IL2RB: variants seen among roughly 807,000 people sequenced by gnomAD.
IL2RB encodes interleukin-2 receptor subunit beta.
Under a neutral mutation model 44.2 loss-of-function variants are expected in IL2RB, and 17 were observed. The observed-to-expected ratio is 0.38, with a 90% CI of 0.26 to 0.58. The LOEUF (loss-of-function observed/expected upper bound fraction) is 0.58. IL2RB is among the 20% of genes least tolerant of loss of function. The pLI, the probability that IL2RB is intolerant of heterozygous loss-of-function variation, is 0.63. For synonymous variants in IL2RB, 286 were observed against 297.9 expected, an observed-to-expected ratio of 0.96 and a Z score of 0.41; for missense variants, 624 against 685.5, an observed-to-expected ratio of 0.91 and a Z score of 1.00.
intron 1 of IL2RB, among the ~76,000 whole-genome samples, chr22:37,162,989 T>A (rs1023410940): frequency 1.3e-5 from 2 of 152,180 alleles, no homozygotes; most frequent in African/African-American, 4.8e-5. Context: ...GCCAGAGGCT[T>A]CTCCCCAGGG....
chr22:37,130,750 A>G (rs1921383786), intron 9 of IL2RB, among the ~76,000 whole-genome samples: 1 of 152,240 alleles, frequency 6.6e-6, no homozygotes, highest in African/African-American at 2.4e-5. Flanking sequence ...CAATGGGAGA[A>G]TCTCTATGCT....
intron 1 of IL2RB, among the ~76,000 whole-genome samples, chr22:37,146,032 C>A (rs1349595880): frequency 1.3e-5 from 2 of 152,156 alleles, no homozygotes; most frequent in Non-Finnish European, 2.9e-5. Flanking sequence ...CCGGCAAAAA[C>A]CCAGCTCATC....
At chr22:37,137,810 C>T (rs1921783347) in intron 5 of IL2RB, 75 bp from the exon 6 acceptor site, 1 of 1,365,726 alleles carries the variant, frequency 7.3e-7, no homozygotes. Context: ...CCACTCCTCC[C>T]TCCTGGCACA....
At chr22:37,149,729 G>T (rs906698085) in intron 1 of IL2RB, 96 bp downstream of exon 1, 4 of 502,474 alleles carry the variant, frequency 8.0e-6, no homozygotes, top group African/African-American at 4.2e-5. Flanking sequence ...AAACTGCTGG[G>T]GGAACTGAGT....
chr22:37,131,189 TA>T (rs1921405840), intron 9 of IL2RB, among the ~76,000 whole-genome samples: 1 of 151,884 alleles, frequency 6.6e-6, no homozygotes, highest in South Asian at 2.1e-4. Flanking sequence ...AATAAATAAA[TA>T]AATAAAAGCA....
In IL2RB at chr22:37,156,975, G is replaced by A. The variant is rs144789233; in HGVS notation, c.-33-12770C>T. On this transcript the variant is annotated intron_variant, in intron 1 of 5. Transcript: ENST00000429622. ...AAGTCAGCAGGTAGCCGAGTCCCCAGCTGGAAAAAAAGTCCTGCCCCCACA... is the reference window on the plus strand; with the variant it reads ...AAGTCAGCAGGTAGCCGAGTCCCCAACTGGAAAAAAAGTCCTGCCCCCACA... 2.9e-3 allele frequency among the ~76,000 whole-genome samples: 434 copies of A among 152,242 alleles called. 1 individual carries two copies. Among genetic ancestry groups the A allele is most frequent in the African/African-American group, 9.5e-3 (395 of 41,526 alleles).
At chr22:37,132,917 G>A (rs557374632) in intron 8 of IL2RB, among the ~76,000 whole-genome samples, 6 of 152,348 alleles carry the variant, frequency 3.9e-5, no homozygotes, top group Admixed American at 2.6e-4. Context: ...GGTTCAGGTT[G>A]TACACTGCCC....
rs976957289 is a variant in IL2RB, at chr22:37,126,145, G to A, written c.*1951C>T. 6.6e-6 allele frequency: 1 copy of A among 152,170 alleles called. No homozygotes were observed. Among genetic ancestry groups the A allele is most frequent in the South Asian group, 2.1e-4 (1 of 4,830 alleles). The allele number at this position is 152,170 out of a possible 1,614,324, so 9.4% of individuals were successfully genotyped here. ...TTCCATTTGGGGGGATAAGGAGACC[G>A]ACTTGCAGAGAGGATTAGTAGGTTG... is the stretch of plus-strand genomic sequence containing the variant. On this transcript the variant is annotated 3_prime_UTR_variant, in exon 10 of 10. Transcript: ENST00000216223.
At chr22:37,156,996 C>T (rs1424943146) in intron 1 of IL2RB, among the ~76,000 whole-genome samples, 2 of 152,196 alleles carry the variant, frequency 1.3e-5, no homozygotes, top group African/African-American at 2.4e-5. Flanking sequence ...AGTCCTGCCC[C>T]CACAGTGCCA....
chr22:37,136,928 C>CA (rs1921736353), intron 6 of IL2RB, among the ~76,000 whole-genome samples: 1 of 152,220 alleles, frequency 6.6e-6, no homozygotes, highest in South Asian at 2.1e-4. Context: ...CCCAGGTGTC[C>CA]AAGGGGCCTT....
At chr22:37,156,457 T>C (rs1471974508) in intron 1 of IL2RB, among the ~76,000 whole-genome samples, 2 of 152,208 alleles carry the variant, frequency 1.3e-5, no homozygotes, top group African/African-American at 2.4e-5. Flanking sequence ...GGTGGCTTTA[T>C]GATGTCAGGA....
rs1569042749 is a variant in IL2RB, at chr22:37,135,203, C to T, written c.818+125G>A. ...TCCAGAATCTGACCTGGCAAGGTGG[C>T]ATGTGTTCATGTAAGTGTGTGTGTG... On this transcript the variant is annotated intron_variant, in intron 8 of 9. Transcript: ENST00000216223. 5.9e-6 allele frequency: 4 copies of T among 672,910 alleles called. No individual in the cohort carries two copies. In the African/African-American group the frequency reaches 7.2e-5, roughly 12 times the overall value. The allele number at this position is 672,910 out of a possible 1,614,324, so 41.7% of individuals were successfully genotyped here. A position where few individuals can be genotyped will look rare whatever the true frequency, so the allele number is the denominator to read the frequency against.
In IL2RB at chr22:37,138,126, TG is replaced by T. The variant is rs551388617; in HGVS notation, c.389-392del. 5.3e-5 allele frequency among the ~76,000 whole-genome samples: 8 copies of T among 152,352 alleles called. No homozygotes were observed. The South Asian group carries it at 1.7e-3, about 32-fold the overall frequency. ...ATTACCTGGCACTTGATTCAGTAGC[TG>T]CTGGATGAATGACTCACGGCAGCTT... On this transcript the variant is annotated intron_variant, in intron 5 of 9. Coordinates refer to ENST00000216223, the MANE Select transcript of IL2RB (RefSeq NM_000878.5).
rs1283043313 is a variant in IL2RB at position 37,128,224 on chromosome 22, T to A, written c.1528A>T (p.Ser510Cys). ...VPDAGPREGVSFPWSRPPGQG... is the reference protein window; with the variant it reads ...VPDAGPREGVCFPWSRPPGQG... Reference sequence around the variant, plus strand: ...CCAGGAGGCCTGGACCAGGGGAAACTGACTCCCTCCCTGGGGCCAGCGTCA... The same window carrying A: ...CCAGGAGGCCTGGACCAGGGGAAACAGACTCCCTCCCTGGGGCCAGCGTCA... The change falls in exon 10 of 10, where the codon AGT (serine) becomes TGT (cysteine). Residue 510 changes from serine to cysteine, a missense_variant. Ser to Cys is a moderately radical substitution (Grantham distance 112, BLOSUM62 -1). Around this residue, in one of 3 missense-constraint regions of IL2RB, gnomAD observed 291 missense variants for 275.5 expected, o/e 1.06. Transcript: ENST00000216223. This position sits in a 1 kb window ranked among gnomAD's most constrained non-coding sequence, Gnocchi z 4.5. The A allele has an allele frequency of 1.3e-6, 2 of 1,511,012 alleles. No individual in the cohort carries two copies. Among genetic ancestry groups the A allele is most frequent in the Non-Finnish European group, 1.8e-6 (2 of 1,131,402 alleles). 93.6% of individuals were successfully genotyped at this position (1,511,012 alleles called of 1,614,324 possible). A position where few individuals can be genotyped will look rare whatever the true frequency, so the allele number is the denominator to read the frequency against.
At chr22:37,138,032 C>T (rs962792692) in intron 5 of IL2RB, among the ~76,000 whole-genome samples, 17 of 152,244 alleles carry the variant, frequency 1.1e-4, no homozygotes, top group African/African-American at 4.1e-4. Flanking sequence ...TTTTCTGTCT[C>T]CCCCAGCAGA....
At chr22:37,171,998 T>G (rs1258752282) in intron 1 of IL2RB, among the ~76,000 whole-genome samples, 2 of 152,140 alleles carry the variant, frequency 1.3e-5, no homozygotes, top group Non-Finnish European at 2.9e-5. Context: ...TCCCCTGGGT[T>G]GAGAACCCGC....
At chr22:37,169,160 T>C (rs906134517) in intron 1 of IL2RB, among the ~76,000 whole-genome samples, 1 of 150,156 alleles carries the variant, frequency 6.7e-6, no homozygotes, top group African/African-American at 2.5e-5. Context: ...TACAGAGGGG[T>C]TCTTGCTTAC....
upstream of IL2RB, among the ~76,000 whole-genome samples, chr22:37,150,219 G>A (rs1048426882): frequency 5.3e-5 from 8 of 150,716 alleles, no homozygotes; most frequent in African/African-American, 1.7e-4. Flanking sequence ...TCACCCCCAC[G>A]CCAACTCACA....
At chr22:37,172,447 C>A (rs1202535302) in intron 1 of IL2RB, among the ~76,000 whole-genome samples, 1 of 152,056 alleles carries the variant, frequency 6.6e-6, no homozygotes, top group Non-Finnish European at 1.5e-5. Flanking sequence ...TGGGGCCTCC[C>A]TTGGAGCCGT....
Sources: gnomAD v4.1 joint callset for allele counts (sites outside exome capture counted in the v4.1 genomes callset) on GRCh38, gnomAD v4.1.1 for gene constraint, gnomAD v4.1.1 regional missense constraint, Gnocchi (gnomAD v3.1) non-coding constraint, MANE v1.5 for transcripts, NCBI Gene and HGNC (gene_info 2026-07-23, HGNC 2026-07-21) for gene names.